The following LRRC31 variants were observed in gnomAD, a reference collection of about 807,000 sequenced individuals.
The protein encoded by LRRC31 is leucine-rich repeat-containing protein 31.
LRRC31 carries 35 observed loss-of-function variants against 46.7 expected under a neutral mutation model. That is an observed-to-expected ratio of 0.75 (90% CI 0.57 to 0.99). The LOEUF (loss-of-function observed/expected upper bound fraction) is 0.99. Among genes scored for constraint, LRRC31 ranks in the 50% least tolerant of loss-of-function variants. LRRC31 has a pLI of 0.00. For missense variants in LRRC31, 613 were observed against 626.1 expected (o/e 0.98, Z 0.22); for synonymous variants, 236 against 235.1 (o/e 1.00, Z -0.03).
At chr3:169,846,683 C>T (rs1393222403) in intron 8 of LRRC31, among the ~76,000 whole-genome samples, 2 of 151,866 alleles carry the variant, frequency 1.3e-5, no homozygotes, top group African/African-American at 4.8e-5. Flanking sequence ...CATGCACACA[C>T]CTCATGAGGA....
chr3:169,840,374 C>G (rs1006142612), intron 8 of LRRC31, 61 bp from the exon 9 acceptor site: 62 of 1,513,444 alleles, frequency 4.1e-5, no homozygotes, highest in Non-Finnish European at 5.4e-5. Context: ...ATGGCTATTC[C>G]CATTTCCCAT....
intron 3 of LRRC31, among the ~76,000 whole-genome samples, chr3:169,858,742 G>A (rs1037300073): frequency 6.6e-6 from 1 of 151,920 alleles, no homozygotes; most frequent in Admixed American, 6.6e-5. Flanking sequence ...GGTGGCTCAC[G>A]CCTGTAATCC....
rs747577749 is a variant in LRRC31 at position 169,856,799 on chromosome 3, C to A, written c.561G>T (p.Leu187Phe). 1.9e-6 allele frequency: 3 copies of A among 1,608,208 alleles called. No homozygotes were observed. The highest frequency in any genetic ancestry group is 2.5e-6 in the Non-Finnish European group (3 of 1,177,384). Residue 187 changes from leucine (L) to phenylalanine (F), a missense_variant, in exon 4 of 9, where the codon TTG (leucine) becomes TTT (phenylalanine). Coordinates refer to ENST00000316428, the MANE Select transcript of LRRC31 (RefSeq NM_024727.4). ...LSWNSKVGGN[L>F]PLILQKFQKG... is the part of the protein sequence containing the mutation. ...TTTGGAACTTCTGAAGGATCAGAGG[C>A]AAATTTCCTCCCACTTTACTGTTCC...
intron 6 of LRRC31, among the ~76,000 whole-genome samples, chr3:169,852,251 A>T (rs1278450085): frequency 3.3e-5 from 5 of 150,770 alleles, no homozygotes; most frequent in Non-Finnish European, 5.9e-5. Context: ...AAAAAAAAAA[A>T]AATTAGCCGG....
chr3:169,847,235 G>C (rs914658709), intron 8 of LRRC31, among the ~76,000 whole-genome samples: 2 of 152,158 alleles, frequency 1.3e-5, no homozygotes, highest in African/African-American at 4.8e-5. Context: ...GCCCAGGCTG[G>C]AGTGCAGTGG....
chr3:169,857,126 T>C (rs1433536887), intron 3 of LRRC31, among the ~76,000 whole-genome samples: 1 of 151,588 alleles, frequency 6.6e-6, no homozygotes, highest in Non-Finnish European at 1.5e-5. Context: ...ACAATTGTTG[T>C]TGTAGAAAAA....
intron 6 of LRRC31, chr3:169,853,501 G>A (rs1230654370): frequency 1.0e-6 from 1 of 985,606 alleles, no homozygotes; most frequent in African/African-American, 1.7e-5. Context: ...CTCCAGCACT[G>A]AGGAGCAAAA....
At position 169,848,233 on chromosome 3, in the gene LRRC31, T is replaced by G; in HGVS notation, c.1214A>C (p.Lys405Thr). 1 of 1,614,132 alleles carries G rather than the reference T, an allele frequency of 6.2e-7. No homozygotes were observed. Among genetic ancestry groups the G allele is most frequent in the Non-Finnish European group, 8.5e-7 (1 of 1,180,012 alleles). ...ALEVFNLSWNKCVGGNLKLLL... is the reference protein window; with the variant it reads ...ALEVFNLSWNTCVGGNLKLLL... ...CAGCTTCAAGTTGCCACCAACACACTTGTTCCAAGAAAGGTTGAATACTTC... is the reference window on the plus strand; with the variant it reads ...CAGCTTCAAGTTGCCACCAACACACGTGTTCCAAGAAAGGTTGAATACTTC... The change falls in exon 8 of 9, where the codon AAG (lysine) becomes ACG (threonine). Residue 405 changes from lysine (K) to threonine (T), a missense_variant. Transcript: ENST00000316428.
In LRRC31 at chr3:169,857,343, T is replaced by TACACAC. The variant is rs1388668873; in HGVS notation, c.488-472_488-471insGTGTGT. 6.9e-3 allele frequency among the ~76,000 whole-genome samples: 706 copies of TACACAC among 102,330 alleles called. 12 individuals are homozygous for TACACAC. The highest frequency in any genetic ancestry group is 0.025 in the African/African-American group (668 of 27,088). 67.1% of individuals were successfully genotyped at this position (102,330 alleles called of 152,430 possible). The stretch of plus-strand genomic sequence containing the variant: ...CTATATATATATATATATATATATA[T>TACACAC]ATACACACACACACACACACACACA... On this transcript the variant is annotated intron_variant, in intron 3 of 8. Transcript: ENST00000316428.
At chr3:169,842,614 G>A (rs1161624635) in intron 8 of LRRC31, among the ~76,000 whole-genome samples, 1 of 152,116 alleles carries the variant, frequency 6.6e-6, no homozygotes, top group East Asian at 1.9e-4. Flanking sequence ...TCCTCTCAAA[G>A]TGCTGGGATT....
At chr3:169,855,790 A>G (rs17510356) in intron 5 of LRRC31, among the ~76,000 whole-genome samples, 1 of 152,216 alleles carries the variant, frequency 6.6e-6, no homozygotes, top group Non-Finnish European at 1.5e-5. Context: ...CCCAGTGTTT[A>G]TCTTAACCTA....
intron 8 of LRRC31, among the ~76,000 whole-genome samples, chr3:169,846,564 G>C (rs1195073968): frequency 6.6e-6 from 1 of 152,010 alleles, no homozygotes; most frequent in Non-Finnish European, 1.5e-5. Flanking sequence ...AGGAGAATCT[G>C]TTGAACATGG....
At chr3:169,857,531 A>G (rs1781004916) in intron 3 of LRRC31, among the ~76,000 whole-genome samples, 1 of 150,244 alleles carries the variant, frequency 6.7e-6, no homozygotes, top group Admixed American at 6.7e-5. Context: ...CTTAAGGGGT[A>G]AAGGAGGGTG....
At chr3:169,866,941 G>A (rs1247486553) in intron 1 of LRRC31, among the ~76,000 whole-genome samples, 1 of 151,806 alleles carries the variant, frequency 6.6e-6, no homozygotes, top group African/African-American at 2.4e-5. Flanking sequence ...CAGACTGGGT[G>A]ACGGTGCGAA....
At chr3:169,841,586 T>C (rs1461309961) in intron 8 of LRRC31, among the ~76,000 whole-genome samples, 1 of 152,194 alleles carries the variant, frequency 6.6e-6, no homozygotes, top group Non-Finnish European at 1.5e-5. Context: ...ATGTGCACGC[T>C]TTTTCTCTTT....
At chr3:169,866,986 G>A (rs1279545983) in intron 1 of LRRC31, among the ~76,000 whole-genome samples, 2 of 144,800 alleles carry the variant, frequency 1.4e-5, no homozygotes, top group Admixed American at 6.8e-5. Context: ...AAACAAAATC[G>A]GCCATGGGTT....
intron 8 of LRRC31, among the ~76,000 whole-genome samples, chr3:169,844,372 T>C (rs1337820057): frequency 6.6e-6 from 1 of 152,190 alleles, no homozygotes; most frequent in African/African-American, 2.4e-5. Flanking sequence ...CTCATCTCAA[T>C]AGATGCAGAA....
intron 1 of LRRC31, among the ~76,000 whole-genome samples, chr3:169,865,011 AG>A (rs560981123): frequency 0.01 from 1,564 of 151,950 alleles, 11 homozygotes; most frequent in Middle Eastern, 0.031. Context: ...CAGAAGGCAG[AG>A]GTTGCGTGAG....
At chr3:169,863,264 T>C (rs559027078) in intron 1 of LRRC31, among the ~76,000 whole-genome samples, 2 of 152,302 alleles carry the variant, frequency 1.3e-5, no homozygotes, top group South Asian at 4.1e-4. Context: ...ACAGTGATTT[T>C]AAAGTGATTT....
Sources: allele counts gnomAD v4.1 joint callset (sites outside exome capture counted in the v4.1 genomes callset), GRCh38; gene constraint gnomAD v4.1.1; transcripts MANE v1.5; gene names NCBI Gene and HGNC (gene_info 2026-07-23, HGNC 2026-07-21).